The following NHERF2 variants were observed in gnomAD, a reference collection of about 807,000 sequenced individuals.
NHERF2 encodes the protein Na(+)/H(+) exchange regulatory cofactor NHE-RF2.
At chr16:2,035,610 C>T in the NHERF2 span, 6 of 986,386 alleles carry the variant, frequency 6.1e-6, no homozygotes, top group African/African-American at 1.7e-5. Flanking sequence ...CACCCTGGCC[C>T]ACCCCCTGGC....
the NHERF2 span, chr16:2,036,350 G>A: frequency 6.2e-7 from 1 of 1,610,452 alleles, no homozygotes; most frequent in Non-Finnish European, 8.5e-7. Context: ...TGAGGGAGCT[G>A]CGCCCTCGGC....
At chr16:2,030,492 C>G in the NHERF2 span, among the ~76,000 whole-genome samples, 3 of 152,200 alleles carry the variant, frequency 2.0e-5, no homozygotes, top group African/African-American at 7.2e-5. Flanking sequence ...CCTGCTCCAC[C>G]TCCTGCTAGG....
the NHERF2 span, among the ~76,000 whole-genome samples, chr16:2,030,872 C>T: frequency 1.3e-5 from 2 of 151,622 alleles, no homozygotes; most frequent in Admixed American, 6.6e-5. Flanking sequence ...ACCCGGCAGG[C>T]GGAGGTTTCA....
the NHERF2 span, chr16:2,036,086 G>A: frequency 4.9e-5 from 25 of 507,374 alleles, no homozygotes; most frequent in East Asian, 4.4e-4. Context: ...CCAGCAACCC[G>A]GGAAGGCGGC....
the NHERF2 span, chr16:2,032,668 T>C: frequency 4.0e-5 from 10 of 251,912 alleles, no homozygotes; most frequent in Admixed American, 3.9e-4. This position sits in a 1 kb window ranked among gnomAD's most constrained non-coding sequence, Gnocchi z 4.0. Context: ...CTGATGTGGT[T>C]GGCCCCTCCT....
At chr16:2,031,953 A>G in the NHERF2 span, among the ~76,000 whole-genome samples, 1 of 151,296 alleles carries the variant, frequency 6.6e-6, no homozygotes, top group Non-Finnish European at 1.5e-5. Flanking sequence ...CGACCTCCCA[A>G]AGTTCTGGGA....
At chr16:2,031,288 G>A in the NHERF2 span, among the ~76,000 whole-genome samples, 1 of 152,198 alleles carries the variant, frequency 6.6e-6, no homozygotes, top group South Asian at 2.1e-4. Flanking sequence ...CCAGCCCAGG[G>A]CTGGTGGGGG....
the NHERF2 span, chr16:2,038,646 G>A: frequency 3.6e-6 from 1 of 275,064 alleles, no homozygotes; most frequent in South Asian, 3.2e-5. Flanking sequence ...CACCTGCCCT[G>A]GTGTGGGGGT....
the NHERF2 span, among the ~76,000 whole-genome samples, chr16:2,030,677 G>A: frequency 2.8e-5 from 4 of 144,110 alleles, no homozygotes; most frequent in African/African-American, 5.2e-5. Flanking sequence ...GGTGGCTCAC[G>A]CCTGTAATCC....
the NHERF2 span, chr16:2,033,193 C>T: frequency 1.4e-6 from 2 of 1,459,692 alleles, no homozygotes; most frequent in African/African-American, 1.4e-5. Context: ...CAGTCATCAC[C>T]CTGCTCCCCA....
the NHERF2 span, chr16:2,027,095 C>T: frequency 1.4e-6 from 2 of 1,462,974 alleles, no homozygotes; most frequent in Admixed American, 4.6e-5. Flanking sequence ...GCGAGAAGGG[C>T]CGCCGCGGGC....
the NHERF2 span, chr16:2,032,838 G>A: frequency 9.0e-6 from 9 of 1,001,524 alleles, no homozygotes; most frequent in South Asian, 8.4e-5. This position sits in a 1 kb window ranked among gnomAD's most constrained non-coding sequence, Gnocchi z 4.0. Flanking sequence ...TGGAGGTGGT[G>A]GCAGACCCTG....
At chr16:2,032,945 G>A in the NHERF2 span, 3 of 1,090,018 alleles carry the variant, frequency 2.8e-6, no homozygotes, top group Non-Finnish European at 2.2e-6. The surrounding 1 kb of genome is among the most constrained non-coding windows in gnomAD (Gnocchi z 4.0). Context: ...TCTGCGGGAG[G>A]CGGCTGTGTG....
the NHERF2 span, chr16:2,036,366 C>G: frequency 6.2e-7 from 1 of 1,610,824 alleles, no homozygotes; most frequent in Non-Finnish European, 8.5e-7. Flanking sequence ...TCGGCTCTGC[C>G]ACCTGCGAAA....
chr16:2,027,470 T>A, the NHERF2 span, among the ~76,000 whole-genome samples: 1 of 152,158 alleles, frequency 6.6e-6, no homozygotes, highest in East Asian at 1.9e-4. Flanking sequence ...TTTGGTCGCG[T>A]TTTGGCCTCA....
the NHERF2 span, among the ~76,000 whole-genome samples, chr16:2,034,378 G>A: frequency 9.9e-6 from 1 of 100,992 alleles, no homozygotes. Flanking sequence ...CTGTCCCCAC[G>A]CCTTCCCTCC....
chr16:2,032,208 C>G, the NHERF2 span, among the ~76,000 whole-genome samples: 2 of 152,044 alleles, frequency 1.3e-5, no homozygotes, highest in South Asian at 4.1e-4. This position sits in a 1 kb window ranked among gnomAD's most constrained non-coding sequence, Gnocchi z 4.0. Flanking sequence ...TTGGTAGAGA[C>G]AGGGTTTCAC....
At chr16:2,027,242 G>A in the NHERF2 span, 8,004 of 1,250,364 alleles carry the variant, frequency 6.4e-3, 411 homozygotes, top group African/African-American at 0.11. Context: ...CTCGCCCCCG[G>A]CCCGCCGCCC....
At chr16:2,038,184 G>A in the NHERF2 span, 2 of 614,996 alleles carry the variant, frequency 3.3e-6, no homozygotes, top group South Asian at 3.9e-5. Context: ...TAGGGGGAGA[G>A]AGACCCAGAG....
Sources: gnomAD v4.1 joint callset for allele counts (sites outside exome capture counted in the v4.1 genomes callset) on GRCh38, gnomAD v4.1.1 for gene constraint, Gnocchi (gnomAD v3.1) non-coding constraint, MANE v1.5 for transcripts, NCBI Gene and HGNC (gene_info 2026-07-23, HGNC 2026-07-21) for gene names.